SLC26A9: variants seen among roughly 807,000 people sequenced by gnomAD.
SLC26A9 encodes the protein anion transporter/exchanger protein 9.
In SLC26A9, 46 loss-of-function variants were observed where a neutral mutation model predicts 87.1. The observed-to-expected ratio is 0.53, with a 90% confidence interval of 0.42 to 0.67. The LOEUF (loss-of-function observed/expected upper bound fraction) is 0.67. SLC26A9 is among the 30% of genes least tolerant of loss of function. SLC26A9 has a pLI of 0.00. For synonymous variants in SLC26A9, 437 were observed against 409.1 expected (o/e 1.07, Z -0.82); for missense variants, 927 against 1,018.3 (o/e 0.91, Z 1.22).
intron 19 of SLC26A9, 75 bp from the exon 20 acceptor site, chr1:205,917,429 G>T: frequency 6.8e-7 from 1 of 1,469,416 alleles, no homozygotes; most frequent in Non-Finnish European, 9.5e-7. Context: ...GGCAGGAAAA[G>T]GGACAGGTGG....
rs1432009530 is a variant in SLC26A9, at chr1:205,926,383, C to T, written c.1389+152G>A. The T allele has an allele frequency of 2.7e-5, 18 of 657,204 alleles. No individual in the cohort carries two copies. The East Asian group carries it at 4.1e-4, about 15-fold the overall frequency. 40.7% of individuals were successfully genotyped at this position (657,204 alleles called of 1,614,324 possible). On this transcript the variant is annotated intron_variant, in intron 12 of 20. Coordinates refer to ENST00000367135, the MANE Select transcript of SLC26A9 (RefSeq NM_052934.4). ...GTTAGGGTTTGAACATAGGATGTTT[C>T]ACTTCGAAACTCGGACTTTTAACCA...
intron 13 of SLC26A9, among the ~76,000 whole-genome samples, 187 bp from the exon 14 acceptor site, chr1:205,923,800 G>A (rs1039195859): frequency 5.9e-5 from 9 of 152,322 alleles, no homozygotes; most frequent in South Asian, 2.1e-4. Flanking sequence ...CTATAACTAT[G>A]AGGATGACAG....
chr1:205,917,929 G>A (rs11240592), intron 19 of SLC26A9, among the ~76,000 whole-genome samples: 2,373 of 152,260 alleles, frequency 0.016, 57 homozygotes, highest in African/African-American at 0.055. Context: ...TTTGCTCTGC[G>A]GACAAATTCA....
At chr1:205,931,668 C>A (rs755974349) in intron 5 of SLC26A9, among the ~76,000 whole-genome samples, 192 bp downstream of exon 5, 2 of 151,948 alleles carry the variant, frequency 1.3e-5, no homozygotes, top group Admixed American at 6.6e-5. Context: ...GGTTTCATCA[C>A]GTTGGTCAAG....
chr1:205,918,480 T>TGAG (rs137965996), intron 19 of SLC26A9, among the ~76,000 whole-genome samples: 456 of 152,132 alleles, frequency 3.0e-3, no homozygotes, highest in Non-Finnish European at 5.0e-3. Context: ...TAGAAAGAGA[T>TGAG]GAGGAGGAGG....
intron 5 of SLC26A9, 70 bp from the exon 6 acceptor site, chr1:205,930,126 A>C (rs575486718): frequency 2.4e-5 from 36 of 1,494,368 alleles, no homozygotes; most frequent in African/African-American, 1.7e-4. Flanking sequence ...GACCCGCCCC[A>C]CACACACGCA....
chr1:205,930,695 C>A (rs1344465883), intron 5 of SLC26A9, among the ~76,000 whole-genome samples: 1 of 152,180 alleles, frequency 6.6e-6, no homozygotes, highest in Admixed American at 6.5e-5. Flanking sequence ...CCTCTACCCT[C>A]CAGCCACACC....
intron 8 of SLC26A9, 192 bp from the exon 9 acceptor site, chr1:205,928,241 G>A (rs2102588227): frequency 1.4e-6 from 1 of 690,734 alleles, no homozygotes; most frequent in East Asian, 2.8e-5. Context: ...TTACAAAGGA[G>A]GAAACTGAGG....
At chr1:205,927,101 C>G (rs1467102664) in intron 11 of SLC26A9, 110 bp downstream of exon 11, 1 of 1,111,310 alleles carries the variant, frequency 9.0e-7, no homozygotes, top group Non-Finnish European at 1.4e-6. Context: ...GTGGTTGAGA[C>G]TAAGTGTGAC....
At position 205,930,465 on chromosome 1, in the gene SLC26A9, T is replaced by A. The variant is rs548193294; in HGVS notation, c.553-409A>T. 1.8e-4 allele frequency among the ~76,000 whole-genome samples: 27 copies of A among 152,260 alleles called. No individual in the cohort carries two copies. In the East Asian group the frequency reaches 5.0e-3, roughly 28 times the overall value. The stretch of plus-strand genomic sequence containing the variant: ...AACATTCTTTTCAAGTCCAGCCCCA[T>A]CTCTTTCTCTACCTGGTCTTCGCCT... On this transcript the variant is annotated intron_variant, in intron 5 of 20. Transcript: ENST00000367135.
chr1:205,927,739 C>T, intron 9 of SLC26A9, 134 bp from the exon 10 acceptor site: 1 of 1,392,772 alleles, frequency 7.2e-7, no homozygotes, highest in Non-Finnish European at 9.9e-7. Flanking sequence ...CACACATTCC[C>T]AGTCAAGAGG....
At chr1:205,935,949 G>T (rs1659493409) in intron 1 of SLC26A9, 111 bp from the exon 2 acceptor site, 4 of 1,298,350 alleles carry the variant, frequency 3.1e-6, no homozygotes, top group Non-Finnish European at 4.1e-6. Context: ...GGCCTTCCCC[G>T]CCCCGATAAA....
chr1:205,934,671 A>C (rs1253577928), intron 2 of SLC26A9, among the ~76,000 whole-genome samples: 1 of 152,234 alleles, frequency 6.6e-6, no homozygotes, highest in Non-Finnish European at 1.5e-5. Flanking sequence ...TTAGTTTGCT[A>C]TATCCCTTTA....
intron 12 of SLC26A9, among the ~76,000 whole-genome samples, chr1:205,925,423 G>T (rs536312515): frequency 1.3e-5 from 2 of 152,296 alleles, no homozygotes; most frequent in Admixed American, 1.3e-4. Context: ...TTCCTGTAGA[G>T]AATTGCTGTG....
Position 205,930,359 on chromosome 1 carries a change from T to C in SLC26A9, c.553-303A>G, listed in dbSNP as rs1167586783. On this transcript the variant is annotated intron_variant, in intron 5 of 20. Transcript: ENST00000367135. ...TCTCTCTCAGTAAATGACACCATCA[T>C]TAACCTGGTTGCCCAACCAAAAACT... The C allele has an allele frequency of 1.3e-5, 3 of 222,600 alleles. No homozygotes were observed. The East Asian group carries it at 2.8e-4, about 21-fold the overall frequency. The allele number at this position is 222,600 out of a possible 1,614,324, so 13.8% of individuals were successfully genotyped here. A position where few individuals can be genotyped will look rare whatever the true frequency, so the allele number is the denominator to read the frequency against.
At chr1:205,915,792 G>T (rs1361956635) in intron 20 of SLC26A9, among the ~76,000 whole-genome samples, 2 of 152,080 alleles carry the variant, frequency 1.3e-5, no homozygotes, top group African/African-American at 4.8e-5. Context: ...CAGGCTTTTT[G>T]GAATGTGCTG....
intron 1 of SLC26A9, among the ~76,000 whole-genome samples, chr1:205,936,280 A>C (rs899056760): frequency 3.9e-5 from 6 of 152,198 alleles, no homozygotes; most frequent in Non-Finnish European, 8.8e-5. Context: ...TCAGCCAGTC[A>C]GCTTGGAAGA....
At chr1:205,937,243 C>G (rs559765497) in intron 1 of SLC26A9, among the ~76,000 whole-genome samples, 11 of 152,280 alleles carry the variant, frequency 7.2e-5, no homozygotes, top group Middle Eastern at 3.4e-3. Context: ...AGGTGATACC[C>G]AGCAGAAGCG....
At position 205,924,377 on chromosome 1, in the gene SLC26A9, A is replaced by G; in HGVS notation, c.1496+6T>C. The G allele has an allele frequency of 6.2e-7, 1 of 1,613,700 alleles. No individual in the cohort carries two copies. Among genetic ancestry groups the G allele is most frequent in the South Asian group, 1.1e-5 (1 of 91,078 alleles). ...TGGGCCTAGGAGGGCGGAAGCTATC[A>G]CTTACAACTGAGTCTGGAAGACCAC... On this transcript the variant is annotated splice_donor_region_variant and intron_variant, in intron 13 of 20. Transcript: ENST00000367135.
Sources: allele counts gnomAD v4.1 joint callset (sites outside exome capture counted in the v4.1 genomes callset), GRCh38; gene constraint gnomAD v4.1.1; transcripts MANE v1.5; gene names NCBI Gene and HGNC (gene_info 2026-07-23, HGNC 2026-07-21).